Variants in ZDHHC7 observed in about 807,000 individuals in gnomAD.
ZDHHC7 encodes palmitoyltransferase ZDHHC7.
Under a neutral mutation model 34.1 loss-of-function variants are expected in ZDHHC7, and 12 were observed. The ratio of observed to expected loss-of-function variants is 0.35; its 90% CI spans 0.23 to 0.57. The LOEUF is 0.57. Among genes scored for constraint, ZDHHC7 ranks in the 20% least tolerant of loss-of-function variants. The pLI, the probability that ZDHHC7 is intolerant of heterozygous loss-of-function variation, is 0.84. For synonymous variants in ZDHHC7, 185 were observed against 155.4 expected (o/e 1.19, Z -1.42); for missense variants, 388 against 402.7 (o/e 0.96, Z 0.31).
In ZDHHC7 at chr16:84,977,151, T is replaced by G; in HGVS notation, c.694A>C (p.Thr232Pro). The G allele has an allele frequency of 6.2e-7, 1 of 1,614,072 alleles. No homozygotes were observed. Among genetic ancestry groups the G allele is most frequent in the Non-Finnish European group, 8.5e-7 (1 of 1,180,006 alleles). ...FLCLEGLLFFTFTAVMFGTQI... is the reference protein window; with the variant it reads ...FLCLEGLLFFPFTAVMFGTQI... Reference sequence around the variant, plus strand: ...GTGCCAAACATAACTGCAGTGAAAGTGAAAAACAGAAGACCCTCAAGGCAC... The same window carrying G: ...GTGCCAAACATAACTGCAGTGAAAGGGAAAAACAGAAGACCCTCAAGGCAC... The change falls in exon 7 of 8, where the codon ACT becomes CCT. Residue 232 changes from threonine to proline, a missense_variant. By Grantham distance (38) the Thr-to-Pro change is conservative (BLOSUM62 -1). Coordinates refer to ENST00000313732, the MANE Select transcript of ZDHHC7 (RefSeq NM_017740.3).
At chr16:85,020,161 C>T in the ZDHHC7 span, among the ~76,000 whole-genome samples, 6 of 152,198 alleles carry the variant, frequency 3.9e-5, 1 homozygote, top group African/African-American at 1.2e-4. Context: ...GCCTTAGGCA[C>T]GGGTCTCCTA....
chr16:84,989,404 A>G (rs915103461), intron 3 of ZDHHC7, among the ~76,000 whole-genome samples: 44 of 152,338 alleles, frequency 2.9e-4, no homozygotes, highest in African/African-American at 9.9e-4. Flanking sequence ...TATTCTCAAA[A>G]AAGAGTCCTG....
upstream of ZDHHC7, chr16:85,011,574 C>T (rs1024012760): frequency 6.6e-6 from 1 of 152,286 alleles, no homozygotes; most frequent in Non-Finnish European, 1.5e-5. Flanking sequence ...CGGCGCAGTT[C>T]CGGCCGCGCA....
intron 3 of ZDHHC7, among the ~76,000 whole-genome samples, chr16:84,988,361 A>T (rs1156244556): frequency 7.9e-5 from 12 of 152,092 alleles, no homozygotes. Context: ...TGGATGCACT[A>T]AACACCACGG....
chr16:84,981,716 G>A (rs2072370641), intron 4 of ZDHHC7, among the ~76,000 whole-genome samples, 154 bp downstream of exon 4: 1 of 152,218 alleles, frequency 6.6e-6, no homozygotes, highest in Non-Finnish European at 1.5e-5. Context: ...CCCTACCCCA[G>A]AAAGAACATG....
At chr16:84,982,102 C>T (rs552373045) in intron 3 of ZDHHC7, 108 bp from the exon 4 acceptor site, 18 of 1,454,934 alleles carry the variant, frequency 1.2e-5, no homozygotes, top group Admixed American at 1.8e-5. Context: ...GAGGCTGAGG[C>T]GGGTGGATCA....
chr16:84,977,348 T>C, intron 6 of ZDHHC7, 123 bp from the exon 7 acceptor site: 1 of 1,278,618 alleles, frequency 7.8e-7, no homozygotes, highest in Non-Finnish European at 1.1e-6. Context: ...GTTGTTCACT[T>C]TCTAAATGGG....
chr16:84,986,225 G>A (rs952825411), intron 3 of ZDHHC7, among the ~76,000 whole-genome samples: 6 of 152,158 alleles, frequency 3.9e-5, no homozygotes, highest in African/African-American at 1.4e-4. Flanking sequence ...TCTTCCTACC[G>A]TGCACATTTG....
At chr16:85,009,259 C>A (rs1384306764) in intron 1 of ZDHHC7, among the ~76,000 whole-genome samples, 2 of 151,966 alleles carry the variant, frequency 1.3e-5, no homozygotes, top group Non-Finnish European at 1.5e-5. Flanking sequence ...AGCATCCAAG[C>A]CAGCAGGTAA....
intron 3 of ZDHHC7, chr16:84,982,246 G>C (rs1478998711): frequency 2.9e-6 from 1 of 340,990 alleles, no homozygotes; most frequent in African/African-American, 2.1e-5. Flanking sequence ...TTAGGAGGCT[G>C]AGGCAGGAGA....
Position 84,975,606 on chromosome 16 carries a change from GCGGCTCTCTCCCCT to G in ZDHHC7, c.*723_*736del, listed in dbSNP as rs1356931124. 2 of 152,652 alleles carry G rather than the reference GCGGCTCTCTCCCCT, an allele frequency of 1.3e-5. No individual in the cohort carries two copies. The highest frequency in any genetic ancestry group is 2.9e-5 in the Non-Finnish European group (2 of 68,046). The allele number at this position is 152,652 out of a possible 1,614,324, so 9.5% of individuals were successfully genotyped here. On this transcript the variant is annotated 3_prime_UTR_variant, in exon 8 of 8. Transcript: ENST00000313732. ...TCATAGTAACCACGGGCAGGACCCC[GCGGCTCTCTCCCCT>G]CTTCCCTGAAACGTCGGTTTCTAAA... is the stretch of plus-strand genomic sequence containing the variant.
At position 85,011,404 on chromosome 16, in the gene ZDHHC7, G is replaced by C. The variant is rs1724157117; in HGVS notation, c.-222C>G. The C allele has an allele frequency of 6.5e-6, 1 of 152,778 alleles. No individual in the cohort carries two copies. Among genetic ancestry groups the C allele is most frequent in the Middle Eastern group, 3.4e-3 (1 of 294 alleles). 9.5% of individuals were successfully genotyped at this position (152,778 alleles called of 1,614,324 possible). A position where few individuals can be genotyped will look rare whatever the true frequency, so the allele number is the denominator to read the frequency against. ...TGCGGCCGCGCTCATGGCCGGGCTG[G>C]AGCGGGCCCCGCGGCTCGGCTCGGC... On this transcript the variant is annotated 5_prime_UTR_variant, in exon 1 of 8. Coordinates refer to ENST00000313732, the MANE Select transcript of ZDHHC7 (RefSeq NM_017740.3).
intron 2 of ZDHHC7, among the ~76,000 whole-genome samples, chr16:84,994,070 G>A (rs543803804): frequency 8.5e-5 from 13 of 152,280 alleles, no homozygotes; most frequent in South Asian, 8.3e-4. Flanking sequence ...CCCTGGGCAC[G>A]CTCACCAGCT....
intron 1 of ZDHHC7, among the ~76,000 whole-genome samples, chr16:84,999,066 T>A (rs911137388): frequency 1.3e-5 from 2 of 152,178 alleles, no homozygotes; most frequent in Non-Finnish European, 2.9e-5. Flanking sequence ...AAATGCAGCA[T>A]TTATATATAG....
chr16:84,982,782 A>C (rs1402633246), intron 3 of ZDHHC7, among the ~76,000 whole-genome samples: 1 of 152,268 alleles, frequency 6.6e-6, no homozygotes, highest in Non-Finnish European at 1.5e-5. Context: ...ACATGCATCC[A>C]TCTGTGCCCC....
intron 1 of ZDHHC7, among the ~76,000 whole-genome samples, chr16:85,010,995 A>G (rs2072783570): frequency 1.3e-5 from 2 of 152,272 alleles, no homozygotes; most frequent in African/African-American, 2.4e-5. Flanking sequence ...TTAGCCACAC[A>G]GAAAACCAGG....
intron 3 of ZDHHC7, among the ~76,000 whole-genome samples, chr16:84,984,518 A>G (rs2072411887): frequency 6.6e-6 from 1 of 152,216 alleles, no homozygotes; most frequent in Non-Finnish European, 1.5e-5. Context: ...CAGCAGCAGC[A>G]AATATGATAC....
At chr16:84,984,541 T>C (rs1412038269) in intron 3 of ZDHHC7, among the ~76,000 whole-genome samples, 1 of 152,162 alleles carries the variant, frequency 6.6e-6, no homozygotes, top group Non-Finnish European at 1.5e-5. Context: ...TGTGGCACGA[T>C]ACACTTCTGG....
chr16:84,976,661 CG>C, intron 7 of ZDHHC7, 142 bp from the exon 8 acceptor site: 2 of 1,224,622 alleles, frequency 1.6e-6, no homozygotes, highest in Non-Finnish European at 2.2e-6. Flanking sequence ...AGCTCTGCCC[CG>C]ATCCAGACCC....
Sources: gnomAD v4.1 joint callset for allele counts (sites outside exome capture counted in the v4.1 genomes callset) on GRCh38, gnomAD v4.1.1 for gene constraint, MANE v1.5 for transcripts, NCBI Gene and HGNC (gene_info 2026-07-23, HGNC 2026-07-21) for gene names.